NBAS: variants seen among roughly 807,000 people sequenced by gnomAD.
NBAS encodes NBAS subunit of NRZ tethering complex.
A neutral mutation model predicts 302.5 loss-of-function variants in NBAS; 219 were observed. The observed-to-expected ratio is 0.72, with a 90% confidence interval of 0.65 to 0.81. NBAS has a LOEUF of 0.81. Ranked by LOEUF, NBAS falls within the 30% of genes least tolerant of loss-of-function variation. The probability of loss-of-function intolerance (pLI) is 0.00; values close to 1 mark genes in which losing one functional copy is unlikely to be tolerated. For synonymous variants in NBAS, 1,118 were observed against 1,021.6 expected (o/e 1.09, Z -1.80); for missense variants, 2,932 against 2,841.6 (o/e 1.03, Z -0.72).
At chr2:14,783,550 T>C in the NBAS span, among the ~76,000 whole-genome samples, 2 of 143,556 alleles carry the variant, frequency 1.4e-5, no homozygotes, top group Non-Finnish European at 3.0e-5. Flanking sequence ...AATTCCCACC[T>C]ATGAGTGAGA....
intron 40 of NBAS, among the ~76,000 whole-genome samples, chr2:15,295,511 T>C (rs565042562): frequency 1.3e-5 from 2 of 152,298 alleles, no homozygotes; most frequent in East Asian, 1.9e-4. Context: ...GCGTTCATGG[T>C]TGTGAGAAGC....
intron 23 of NBAS, among the ~76,000 whole-genome samples, chr2:15,423,542 T>A (rs1255474423): frequency 6.6e-6 from 1 of 152,062 alleles, no homozygotes; most frequent in Non-Finnish European, 1.5e-5. Flanking sequence ...AGTAGAAATT[T>A]AAACAAAGGG....
At chr2:15,171,775 C>T (rs562493574) in intron 51 of NBAS, among the ~76,000 whole-genome samples, 43 of 152,268 alleles carry the variant, frequency 2.8e-4, no homozygotes, top group African/African-American at 9.9e-4. Context: ...TCAGGATGGA[C>T]TCCGATATAA....
chr2:15,419,955 G>A (rs919571680), intron 23 of NBAS, among the ~76,000 whole-genome samples: 8 of 151,834 alleles, frequency 5.3e-5, no homozygotes, highest in African/African-American at 1.7e-4. Flanking sequence ...CTCATGATTC[G>A]CCTGCCTCAG....
At chr2:14,896,510 T>G in the NBAS span, among the ~76,000 whole-genome samples, 1 of 152,126 alleles carries the variant, frequency 6.6e-6, no homozygotes, top group Non-Finnish European at 1.5e-5. Flanking sequence ...CTCCATAGCA[T>G]AAATCTGGAA....
chr2:14,805,640 A>G, the NBAS span, among the ~76,000 whole-genome samples: 1 of 152,194 alleles, frequency 6.6e-6, no homozygotes, highest in Non-Finnish European at 1.5e-5. Flanking sequence ...AAGTGAGATA[A>G]TAGTGGCCTG....
Position 15,415,647 on chromosome 2 carries a change from A to G in NBAS, c.2836T>C (p.Ser946Pro). The change falls in exon 25 of 52, where the codon TCG becomes CCG. Residue 946 changes from serine (S) to proline (P), a missense_variant. Transcript: ENST00000281513. Reference protein sequence around the residue: ...VPFLHRCEKQSPGVANELLKE... With the variant: ...VPFLHRCEKQPPGVANELLKE... ...AATAGCTCATTAGCCACACCAGGCG[A>G]CTGTTTCTCACAACGATGAAGAAAG... 1 of 1,614,182 alleles carries G rather than the reference A, an allele frequency of 6.2e-7. No homozygotes were observed. The highest frequency in any genetic ancestry group is 8.5e-7 in the Non-Finnish European group (1 of 1,180,012).
chr2:15,376,537 T>C (rs1345222245), intron 30 of NBAS, among the ~76,000 whole-genome samples: 1 of 152,176 alleles, frequency 6.6e-6, no homozygotes, highest in Non-Finnish European at 1.5e-5. Context: ...TAAACAACTT[T>C]GTCAAGTTCA....
chr2:14,808,256 G>A, the NBAS span, among the ~76,000 whole-genome samples: 1 of 152,196 alleles, frequency 6.6e-6, no homozygotes, highest in African/African-American at 2.4e-5. Context: ...AAGGTGGGGA[G>A]CTAGCCCAAG....
chr2:15,500,321 T>C (rs868197887), intron 11 of NBAS, among the ~76,000 whole-genome samples: 1 of 151,882 alleles, frequency 6.6e-6, no homozygotes. Flanking sequence ...AAAAGGCAAA[T>C]TTATAAGTGC....
intron 25 of NBAS, among the ~76,000 whole-genome samples, chr2:15,407,530 CAA>C (rs1676474020): frequency 6.6e-6 from 1 of 152,060 alleles, no homozygotes; most frequent in African/African-American, 2.4e-5. Context: ...AATAAAATGG[CAA>C]AGAGAGTGGA....
the NBAS span, among the ~76,000 whole-genome samples, chr2:14,836,338 G>A: frequency 6.6e-6 from 1 of 151,376 alleles, no homozygotes. Context: ...TGCTTTTTGT[G>A]TCTAGGTTTT....
intron 21 of NBAS, among the ~76,000 whole-genome samples, chr2:15,447,073 A>G (rs1434273764): frequency 6.6e-6 from 1 of 152,236 alleles, no homozygotes; most frequent in African/African-American, 2.4e-5. Flanking sequence ...CGAATACCAA[A>G]TGCCAACACA....
the NBAS span, among the ~76,000 whole-genome samples, chr2:14,795,038 T>C: frequency 4.6e-5 from 7 of 152,208 alleles, no homozygotes; most frequent in African/African-American, 1.4e-4. Flanking sequence ...TTTTTGGTTA[T>C]TTCATATAAA....
intron 42 of NBAS, among the ~76,000 whole-genome samples, chr2:15,282,777 T>C (rs1304603113): frequency 2.0e-5 from 3 of 152,194 alleles, no homozygotes; most frequent in African/African-American, 7.2e-5. Context: ...TCTGGCAGTA[T>C]AAAGACATGT....
At chr2:15,279,911 C>A (rs577814440) in intron 42 of NBAS, among the ~76,000 whole-genome samples, 1 of 152,076 alleles carries the variant, frequency 6.6e-6, no homozygotes, top group Non-Finnish European at 1.5e-5. Flanking sequence ...GAAAAAAATT[C>A]CAAAGAACCC....
In NBAS at chr2:15,166,977, CAT is replaced by C; in HGVS notation, c.*69_*70del. The stretch of plus-strand genomic sequence containing the variant: ...CCATGGAGAACAATCGGCAGATACA[CAT>C]GTTGCTTCTGGGAACAGCATTCAAC... On this transcript the variant is annotated 3_prime_UTR_variant, in exon 52 of 52. Transcript: ENST00000281513. The C allele has an allele frequency of 1.3e-6, 2 of 1,482,130 alleles. No individual in the cohort carries two copies. The highest frequency in any genetic ancestry group is 1.8e-6 in the Non-Finnish European group (2 of 1,109,002). 91.8% of individuals were successfully genotyped at this position (1,482,130 alleles called of 1,614,324 possible).
chr2:14,949,324 T>G, the NBAS span, among the ~76,000 whole-genome samples: 1 of 152,048 alleles, frequency 6.6e-6, no homozygotes, highest in African/African-American at 2.4e-5. Flanking sequence ...GGAGAAAAAT[T>G]TGCAGACTGC....
chr2:15,444,610 T>C (rs1329506593), intron 21 of NBAS, among the ~76,000 whole-genome samples: 2 of 152,088 alleles, frequency 1.3e-5, no homozygotes, highest in Non-Finnish European at 2.9e-5. Flanking sequence ...ATTTCATGTC[T>C]AAAACACCAA....
Sources: gnomAD v4.1 joint callset for allele counts (sites outside exome capture counted in the v4.1 genomes callset) on GRCh38, gnomAD v4.1.1 for gene constraint, MANE v1.5 for transcripts, NCBI Gene and HGNC (gene_info 2026-07-23, HGNC 2026-07-21) for gene names.